ANGPT4: variants seen among roughly 807,000 people sequenced by gnomAD.
ANGPT4 encodes angiopoietin-4.
Under a neutral mutation model 53.0 loss-of-function variants are expected in ANGPT4, and 50 were observed. That is an observed-to-expected ratio of 0.94 (90% CI 0.75 to 1.20). The LOEUF is 1.20. ANGPT4 is among the 50% of genes most tolerant of loss of function. The pLI is 0.00. For missense variants in ANGPT4, 648 were observed against 637.1 expected, an observed-to-expected ratio of 1.02 and a Z score of -0.18; for synonymous variants, 251 against 259.7, an observed-to-expected ratio of 0.97 and a Z score of 0.32.
chr20:871,051 A>G lies in ANGPT4; in HGVS notation c.*1909T>C, dbSNP rs1014073893. On this transcript the variant is annotated 3_prime_UTR_variant, in exon 9 of 9. Transcript: ENST00000381922. ...GCTGGAGCAGGTTTGTCCGACTCCA[A>G]AGCCCTGCCCACCACACCACACTGC... 1 of 152,242 alleles carries G rather than the reference A, an allele frequency of 6.6e-6. No individual in the cohort carries two copies. The highest frequency in any genetic ancestry group is 1.5e-5 in the Non-Finnish European group (1 of 68,066). 9.4% of individuals were successfully genotyped at this position (152,242 alleles called of 1,614,324 possible). A position where few individuals can be genotyped will look rare whatever the true frequency, so the allele number is the denominator to read the frequency against.
intron 1 of ANGPT4, among the ~76,000 whole-genome samples, chr20:913,926 G>A (rs144494342): frequency 2.0e-5 from 3 of 152,270 alleles, no homozygotes; most frequent in Non-Finnish European, 2.9e-5. Flanking sequence ...GCAGGGAGTC[G>A]TCTCAGGCAG....
intron 7 of ANGPT4, among the ~76,000 whole-genome samples, chr20:875,573 C>G (rs956036369): frequency 6.6e-6 from 1 of 152,226 alleles, no homozygotes; most frequent in African/African-American, 2.4e-5. Flanking sequence ...CCCCACTGAG[C>G]CTCAGTTTCT....
intron 1 of ANGPT4, among the ~76,000 whole-genome samples, chr20:906,805 A>C (rs1286303832): frequency 1.3e-5 from 2 of 152,210 alleles, no homozygotes; most frequent in African/African-American, 4.8e-5. Flanking sequence ...TCTGCAAGAC[A>C]TACTATTGCT....
chr20:883,023 T>C (rs1421568326), intron 4 of ANGPT4, among the ~76,000 whole-genome samples: 3 of 152,248 alleles, frequency 2.0e-5, no homozygotes, highest in Admixed American at 2.0e-4. Context: ...CTTTTGTGCA[T>C]AGGCACTGTG....
intron 1 of ANGPT4, among the ~76,000 whole-genome samples, chr20:893,862 C>T (rs1482632699): frequency 6.6e-6 from 1 of 152,192 alleles, no homozygotes; most frequent in Non-Finnish European, 1.5e-5. Flanking sequence ...ACTGTGATCC[C>T]AATTTGGATT....
At chr20:915,260 C>T (rs753462643) in intron 1 of ANGPT4, among the ~76,000 whole-genome samples, 2 of 151,586 alleles carry the variant, frequency 1.3e-5, no homozygotes, top group African/African-American at 2.4e-5. Flanking sequence ...CCTGCTGTCA[C>T]CTCTCAGACC....
intron 1 of ANGPT4, among the ~76,000 whole-genome samples, chr20:899,478 T>C (rs535432888): frequency 6.6e-5 from 10 of 152,100 alleles, no homozygotes; most frequent in East Asian, 5.8e-4. Context: ...TATTCTCGAT[T>C]TCCTGACCTC....
intron 7 of ANGPT4, among the ~76,000 whole-genome samples, chr20:877,295 A>AT (rs1253204363): frequency 1.3e-5 from 2 of 152,156 alleles, no homozygotes; most frequent in African/African-American, 2.4e-5. Flanking sequence ...GACACGTGAG[A>AT]TTTTTTGCAG....
At chr20:905,160 C>T (rs983307464) in intron 1 of ANGPT4, among the ~76,000 whole-genome samples, 8 of 152,212 alleles carry the variant, frequency 5.3e-5, no homozygotes, top group Non-Finnish European at 1.0e-4. Context: ...TGACCACCCC[C>T]ACTCTACTCC....
chr20:908,022 T>C lies in ANGPT4; in HGVS notation c.309+7884A>G, dbSNP rs538059918. On this transcript the variant is annotated intron_variant, in intron 1 of 8. Transcript: ENST00000381922. The surrounding 1 kb of genome is among the most constrained non-coding windows in gnomAD (Gnocchi z 4.9). ...TGGTAAAGGAAGATTTTTAACTTAA[T>C]GGCTGAGCTCTTTCTATGTGCCTGT... is the stretch of plus-strand genomic sequence containing the variant. Among the ~76,000 whole-genome samples the C allele has an allele frequency of 9.2e-5, 14 of 152,290 alleles. No homozygotes were observed. In the East Asian group the frequency reaches 2.7e-3, roughly 29 times the overall value.
At chr20:891,180 C>T (rs1259496679) in intron 1 of ANGPT4, among the ~76,000 whole-genome samples, 2 of 152,328 alleles carry the variant, frequency 1.3e-5, no homozygotes. Flanking sequence ...CAATCACATG[C>T]CCCTTCACCA....
intron 7 of ANGPT4, among the ~76,000 whole-genome samples, chr20:876,972 G>A (rs1481369361): frequency 6.6e-6 from 1 of 152,166 alleles, no homozygotes; most frequent in Non-Finnish European, 1.5e-5. Context: ...ACTGGAGCCT[G>A]GGAGGTCTGG....
intron 4 of ANGPT4, among the ~76,000 whole-genome samples, 188 bp downstream of exon 4, chr20:884,890 G>A (rs930190382): frequency 2.6e-5 from 4 of 152,232 alleles, no homozygotes; most frequent in Non-Finnish European, 4.4e-5. Context: ...TCAGGGGACA[G>A]GGCCTGGATT....
chr20:879,635 G>A, intron 6 of ANGPT4, 112 bp downstream of exon 6: 1 of 733,198 alleles, frequency 1.4e-6, no homozygotes, highest in Non-Finnish European at 2.1e-6. Context: ...AGCTTTAGAT[G>A]AGTTGATTTT....
chr20:883,768 GGCCCTGTGCCTTGGGCTGA>G (rs1383481986), intron 4 of ANGPT4, among the ~76,000 whole-genome samples: 2 of 152,366 alleles, frequency 1.3e-5, no homozygotes, highest in Middle Eastern at 3.4e-3. Flanking sequence ...ATTGGGCCCA[GGCCCTGTGCCTTGGGCTGA>G]GCTACAAGAA....
At chr20:877,059 A>G (rs1981197725) in intron 7 of ANGPT4, among the ~76,000 whole-genome samples, 1 of 147,210 alleles carries the variant, frequency 6.8e-6, no homozygotes, top group South Asian at 2.2e-4. Context: ...CTGCCTCAAA[A>G]AAGCCTTTGC....
intron 4 of ANGPT4, 46 bp from the exon 5 acceptor site, chr20:881,332 G>C (rs1467695921): frequency 6.4e-7 from 1 of 1,567,442 alleles, no homozygotes; most frequent in East Asian, 2.2e-5. Flanking sequence ...GGCAAGGAAA[G>C]AGAGAAGGGG....
chr20:893,745 C>T (rs1272177543), intron 1 of ANGPT4, among the ~76,000 whole-genome samples: 2 of 152,198 alleles, frequency 1.3e-5, no homozygotes, highest in African/African-American at 4.8e-5. Flanking sequence ...AAATCTTTCC[C>T]ATCTCAGGAA....
intron 7 of ANGPT4, among the ~76,000 whole-genome samples, chr20:875,561 C>G (rs1981131682): frequency 6.6e-6 from 1 of 152,226 alleles, no homozygotes; most frequent in Admixed American, 6.5e-5. Flanking sequence ...AGGATTGGCT[C>G]ACCCCACTGA....
Sources: allele counts gnomAD v4.1 joint callset (sites outside exome capture counted in the v4.1 genomes callset), GRCh38; gene constraint gnomAD v4.1.1; non-coding constraint Gnocchi (gnomAD v3.1); transcripts MANE v1.5; gene names NCBI Gene and HGNC (gene_info 2026-07-23, HGNC 2026-07-21).